Variants in ALPK3 observed in about 807,000 individuals in gnomAD.
ALPK3 encodes alpha kinase 3.
Under a neutral mutation model 140.0 loss-of-function variants are expected in ALPK3, and 102 were observed. That is an observed-to-expected ratio of 0.73 (90% CI 0.62 to 0.86). The LOEUF (loss-of-function observed/expected upper bound fraction) is 0.86, where lower values mean the gene tolerates loss of function less well. Ranked by LOEUF, ALPK3 falls within the 40% of genes least tolerant of loss-of-function variation. The pLI is 0.00. For synonymous variants in ALPK3, 938 were observed against 898.5 expected (o/e 1.04, Z -0.79); for missense variants, 2,254 against 2,208.2 (o/e 1.02, Z -0.42).
At chr15:84,849,848 T>C (rs1963780985) in intron 5 of ALPK3, among the ~76,000 whole-genome samples, 1 of 150,460 alleles carries the variant, frequency 6.6e-6, no homozygotes, top group African/African-American at 2.4e-5. Context: ...CTTAGAAAAC[T>C]AGAAAAAGAA....
Position 84,859,885 on chromosome 15 carries a change from T to G in ALPK3, c.4075T>G (p.Phe1359Val). The change falls in exon 8 of 14, where the codon TTC becomes GTC. Residue 1359 changes from phenylalanine (F) to valine (V), a missense_variant. Around this residue, in one of 3 missense-constraint regions of ALPK3, gnomAD observed 2,088 missense variants for 2,022.9 expected, o/e 1.03. Transcript: ENST00000258888. ...HNEHGSASTD[F>V]CLSPEVLSGF... ...TGAGCACGGCTCGGCCTCCACCGACTTCTGCCTCAGCCCTGAGGGTGAGTG... is the reference window on the plus strand; with the variant it reads ...TGAGCACGGCTCGGCCTCCACCGACGTCTGCCTCAGCCCTGAGGGTGAGTG... 6.2e-7 allele frequency: 1 copy of G among 1,614,062 alleles called. No individual in the cohort carries two copies. The highest frequency in any genetic ancestry group is 8.5e-7 in the Non-Finnish European group (1 of 1,180,028).
Position 84,859,229 on chromosome 15 carries a change from G to A in ALPK3, c.3818-14G>A, listed in dbSNP as rs779327396. Reference sequence around the variant, plus strand: ...AGAGGTGGTGTTCCCCTCTTGACTGGGCCCTGCTCTCAGCCCCACAGGTGA... The same window carrying A: ...AGAGGTGGTGTTCCCCTCTTGACTGAGCCCTGCTCTCAGCCCCACAGGTGA... On this transcript the variant is annotated splice_polypyrimidine_tract_variant and intron_variant, in intron 6 of 13. Coordinates refer to ENST00000258888, the MANE Select transcript of ALPK3 (RefSeq NM_020778.5). 3.7e-6 allele frequency: 6 copies of A among 1,613,728 alleles called. No homozygotes were observed. Among genetic ancestry groups the A allele is most frequent in the Middle Eastern group, 3.4e-4 (2 of 5,896 alleles).
chr15:84,838,964 C>T lies in ALPK3; in HGVS notation c.305-16C>T, dbSNP rs1050900275. On this transcript the variant is annotated splice_polypyrimidine_tract_variant and intron_variant, in intron 3 of 13. Coordinates refer to ENST00000258888, the MANE Select transcript of ALPK3 (RefSeq NM_020778.5). ...AACTGGCCTTGCTGTAACCCAGTCT[C>T]CTGCTTCTTTCTCAGGATACCCAGA... 3 of 1,611,480 alleles carry T rather than the reference C, an allele frequency of 1.9e-6. No homozygotes were observed. Among genetic ancestry groups the T allele is most frequent in the African/African-American group, 1.3e-5 (1 of 74,980 alleles).
intron 5 of ALPK3, among the ~76,000 whole-genome samples, chr15:84,843,405 T>G (rs1225378678): frequency 2.0e-5 from 3 of 150,312 alleles, no homozygotes; most frequent in African/African-American, 7.4e-5. Flanking sequence ...GAGGTGGAGG[T>G]TGCAGTGAGC....
At chr15:84,833,786 G>C (rs981257645) in intron 3 of ALPK3, among the ~76,000 whole-genome samples, 1 of 152,160 alleles carries the variant, frequency 6.6e-6, no homozygotes, top group African/African-American at 2.4e-5. Flanking sequence ...AGGCCCTGGG[G>C]TTCTTCCAAC....
At chr15:84,849,002 C>T (rs1451393652) in intron 5 of ALPK3, among the ~76,000 whole-genome samples, 1 of 151,998 alleles carries the variant, frequency 6.6e-6, no homozygotes, top group East Asian at 1.9e-4. Context: ...ATTAGCCAGG[C>T]ATGGTGGTGC....
intron 3 of ALPK3, among the ~76,000 whole-genome samples, chr15:84,837,768 C>G (rs1963611545): frequency 6.6e-6 from 1 of 152,230 alleles, no homozygotes; most frequent in African/African-American, 2.4e-5. Context: ...GCAACTCTCT[C>G]TGTCTTCCAC....
intron 3 of ALPK3, among the ~76,000 whole-genome samples, chr15:84,828,494 A>C (rs1330462878): frequency 6.6e-6 from 1 of 152,112 alleles, no homozygotes; most frequent in Non-Finnish European, 1.5e-5. Context: ...TCCCAGGCCC[A>C]GGCTCCCTCT....
Position 84,817,593 on chromosome 15 carries a change from CAGGTAAGT to C in ALPK3, c.142_143+6del. 1 of 1,497,850 alleles carries C rather than the reference CAGGTAAGT, an allele frequency of 6.7e-7. No homozygotes were observed. The highest frequency in any genetic ancestry group is 8.9e-7 in the Non-Finnish European group (1 of 1,129,042). 92.8% of individuals were successfully genotyped at this position (1,497,850 alleles called of 1,614,324 possible). A position where few individuals can be genotyped will look rare whatever the true frequency, so the allele number is the denominator to read the frequency against. On this transcript the variant is annotated splice_donor_variant and splice_donor_5th_base_variant and coding_sequence_variant and intron_variant, in exon 1 of 14. Coordinates refer to ENST00000258888, the MANE Select transcript of ALPK3 (RefSeq NM_020778.5). LOFTEE classifies it high-confidence loss of function. Reference sequence around the variant, plus strand: ...ACCTGCTCAGCGTGCGGCCCGAGACCAGGTAAGTGGCACCAAGGGGCAGGGCGGCGTCG... The same window carrying C: ...ACCTGCTCAGCGTGCGGCCCGAGACCGGCACCAAGGGGCAGGGCGGCGTCG...
intron 5 of ALPK3, among the ~76,000 whole-genome samples, chr15:84,856,055 G>T (rs1963856458): frequency 6.6e-6 from 1 of 152,158 alleles, no homozygotes; most frequent in Non-Finnish European, 1.5e-5. Context: ...TCCTTCATAT[G>T]GTAGGGGTGA....
At position 84,858,466 on chromosome 15, in the gene ALPK3, A is replaced by G. The variant is rs748203589; in HGVS notation, c.3728A>G (p.Lys1243Arg). 1.3e-6 allele frequency: 2 copies of G among 1,571,168 alleles called. No homozygotes were observed. The highest frequency in any genetic ancestry group is 1.7e-6 in the Non-Finnish European group (2 of 1,162,846). The change falls in exon 6 of 14, where the codon AAG (lysine) becomes AGG (arginine). Residue 1243 changes from lysine (K) to arginine (R), a missense_variant. This residue lies in a region of ALPK3 where 2,088 missense variants were observed against 2,022.9 expected (regional missense o/e 1.03). Coordinates refer to ENST00000258888, the MANE Select transcript of ALPK3 (RefSeq NM_020778.5). Reference sequence around the variant, plus strand: ...GCAGGAGACCTGGGCCCCAGCCCCAAGGCCGGCGGTCTGGACACAGAGGTG... The same window carrying G: ...GCAGGAGACCTGGGCCCCAGCCCCAGGGCCGGCGGTCTGGACACAGAGGTG... Reference protein sequence around the residue: ...LAAGDLGPSPKAGGLDTEVAL... With the variant: ...LAAGDLGPSPRAGGLDTEVAL...
At chr15:84,827,372 TG>T in intron 2 of ALPK3, 111 bp from the exon 3 acceptor site, 1 of 1,490,104 alleles carries the variant, frequency 6.7e-7, no homozygotes, top group Non-Finnish European at 9.1e-7. Context: ...GCTGCAGCTC[TG>T]GCCACAGGAA....
At position 84,868,647 on chromosome 15, in the gene ALPK3, C is replaced by T; in HGVS notation, c.*191C>T. 1 of 635,222 alleles carries T rather than the reference C, an allele frequency of 1.6e-6. No individual in the cohort carries two copies. Among genetic ancestry groups the T allele is most frequent in the Non-Finnish European group, 2.7e-6 (1 of 373,010 alleles). The allele number at this position is 635,222 out of a possible 1,614,324, so 39.3% of individuals were successfully genotyped here. A position where few individuals can be genotyped will look rare whatever the true frequency, so the allele number is the denominator to read the frequency against. The stretch of plus-strand genomic sequence containing the variant: ...TGGCTTTGGTGCATGGCACATAGCC[C>T]ACTGGCCTCTTCTGGTGCCACTGTC... On this transcript the variant is annotated 3_prime_UTR_variant, in exon 14 of 14. Coordinates refer to ENST00000258888, the MANE Select transcript of ALPK3 (RefSeq NM_020778.5).
chr15:84,824,645 A>G lies in ALPK3; in HGVS notation c.182+1277A>G, dbSNP rs573196142. 1.3e-3 allele frequency among the ~76,000 whole-genome samples: 201 copies of G among 152,314 alleles called. 1 individual carries two copies. The highest frequency in any genetic ancestry group is 2.6e-3 in the Non-Finnish European group (175 of 68,022). ...CAACTAATTCCAAGTGGAGTGTGGT[A>G]AGCGTTGACAGGAGACGACCTGGGC... is the stretch of plus-strand genomic sequence containing the variant. On this transcript the variant is annotated intron_variant, in intron 2 of 13. Transcript: ENST00000258888.
rs1963865262 is a variant in ALPK3, at chr15:84,856,663, A to G, written c.1925A>G (p.Asp642Gly). 13 of 1,614,114 alleles carry G rather than the reference A, an allele frequency of 8.1e-6. No individual in the cohort carries two copies. Among genetic ancestry groups the G allele is most frequent in the East Asian group, 2.2e-5 (1 of 44,880 alleles). Residue 642 changes from aspartate (D) to glycine (G), a missense_variant, in exon 6 of 14, where the codon GAT becomes GGT. Transcript: ENST00000258888. ...CGTGCAGATAGGAAGACGCAGGTGG[A>G]TGCTGGGACACAAGAAAGCAAGAGG... ...RTRADRKTQV[D>G]AGTQESKRPQ...
At chr15:84,849,098 C>T (rs1251990665) in intron 5 of ALPK3, among the ~76,000 whole-genome samples, 16 of 151,666 alleles carry the variant, frequency 1.1e-4, no homozygotes, top group African/African-American at 2.4e-4. Flanking sequence ...GTCGAGATCA[C>T]GCCATTGCAC....
At chr15:84,831,889 G>A (rs974510443) in intron 3 of ALPK3, among the ~76,000 whole-genome samples, 16 of 152,198 alleles carry the variant, frequency 1.1e-4, no homozygotes, top group African/African-American at 2.7e-4. Flanking sequence ...GTTTCCTAGC[G>A]AAAGGTTTTC....
At chr15:84,824,450 G>C (rs1963462647) in intron 2 of ALPK3, among the ~76,000 whole-genome samples, 1 of 152,222 alleles carries the variant, frequency 6.6e-6, no homozygotes, top group South Asian at 2.1e-4. Context: ...TTTGGGGAGA[G>C]CTAGCTACAG....
At chr15:84,833,957 T>TTTTGTGTG (rs1555434307) in intron 3 of ALPK3, among the ~76,000 whole-genome samples, 1 of 147,228 alleles carries the variant, frequency 6.8e-6, no homozygotes, top group African/African-American at 2.5e-5. Context: ...AGATTCTGTG[T>TTTTGTGTG]TGTGTGTGTG....
Sources: allele counts gnomAD v4.1 joint callset (sites outside exome capture counted in the v4.1 genomes callset), GRCh38; gene constraint gnomAD v4.1.1; regional missense constraint gnomAD v4.1.1; transcripts MANE v1.5; gene names NCBI Gene and HGNC (gene_info 2026-07-23, HGNC 2026-07-21).